Variants in COL25A1 observed in about 807,000 individuals in gnomAD.
COL25A1 encodes the protein collagen type XXV alpha 1 chain, also known as collagen alpha-1(XXV) chain.
In COL25A1, 103 loss-of-function variants were observed where a neutral mutation model predicts 128.4. The ratio of observed to expected loss-of-function variants is 0.80; its 90% CI spans 0.68 to 0.94. The LOEUF is 0.94. Ranked by LOEUF, COL25A1 falls within the 40% of genes least tolerant of loss-of-function variation. The pLI is 0.00. For synonymous variants in COL25A1, 279 were observed against 277.2 expected (o/e 1.01, Z -0.06); for missense variants, 745 against 840.0 (o/e 0.89, Z 1.40).
At chr4:109,287,280 A>G (rs1723980489) in intron 3 of COL25A1, among the ~76,000 whole-genome samples, 1 of 152,152 alleles carries the variant, frequency 6.6e-6, no homozygotes, top group African/African-American at 2.4e-5. Flanking sequence ...TGTTTAGGTG[A>G]AGAAATAAGT....
chr4:109,065,658 G>A (rs1762389041), intron 3 of COL25A1, among the ~76,000 whole-genome samples: 1 of 151,602 alleles, frequency 6.6e-6, no homozygotes. Context: ...TCCATTGGAT[G>A]AAACAACCAA....
rs764513809 is a variant in COL25A1 at position 108,860,925 on chromosome 4, A to G, written c.1242+2T>C. The G allele has an allele frequency of 6.2e-7, 1 of 1,613,568 alleles. No homozygotes were observed. Among genetic ancestry groups the G allele is most frequent in the Non-Finnish European group, 8.5e-7 (1 of 1,179,580 alleles). ...GTTTAGATGGATGAGAGGAACACTC[A>G]CCCTTGGTCCCTGAGCTCCAGAGTC... is the stretch of plus-strand genomic sequence containing the variant. On this transcript the variant is annotated splice_donor_variant, in intron 23 of 37. Transcript: ENST00000399132. LOFTEE classifies it high-confidence loss of function.
At chr4:109,035,654 A>G (rs1759268837) in intron 5 of COL25A1, among the ~76,000 whole-genome samples, 1 of 152,108 alleles carries the variant, frequency 6.6e-6, no homozygotes. Flanking sequence ...GATGAATAGG[A>G]AGAGGTTTCC....
intron 32 of COL25A1, among the ~76,000 whole-genome samples, chr4:108,828,410 C>CA (rs1450738565): frequency 6.6e-6 from 1 of 152,146 alleles, no homozygotes. Flanking sequence ...GCTGGGATTA[C>CA]AGGCGTGAGC....
chr4:109,246,059 CAA>C (rs10608481), intron 3 of COL25A1, among the ~76,000 whole-genome samples: 8,572 of 134,804 alleles, frequency 0.064, 416 homozygotes, highest in East Asian at 0.25. Flanking sequence ...AAACAATACA[CAA>C]AATGAAAACA....
chr4:108,832,519 TG>T lies in COL25A1; in HGVS notation c.1657-87del, dbSNP rs1283829066. 7.4e-6 allele frequency: 6 copies of T among 816,012 alleles called. No homozygotes were observed. The East Asian group carries it at 1.6e-4, about 21-fold the overall frequency. The allele number at this position is 816,012 out of a possible 1,614,324, so 50.5% of individuals were successfully genotyped here. On this transcript the variant is annotated intron_variant, in intron 31 of 37. Transcript: ENST00000399132. Reference sequence around the variant, plus strand: ...TCCTGGATTTTTCCTAGGTGAATGGTGCCTAAGAATATCAGTAAGACAACTC... The same window carrying T: ...TCCTGGATTTTTCCTAGGTGAATGGTCCTAAGAATATCAGTAAGACAACTC...
intron 28 of COL25A1, 100 bp downstream of exon 28, chr4:108,846,039 T>G: frequency 3.6e-4 from 272 of 747,576 alleles, no homozygotes; most frequent in Non-Finnish European, 5.1e-4. Context: ...AACCACTAGA[T>G]GAGATTGCAG....
chr4:109,123,794 C>T (rs759434902), intron 3 of COL25A1, among the ~76,000 whole-genome samples: 6 of 152,004 alleles, frequency 3.9e-5, no homozygotes, highest in African/African-American at 1.2e-4. Context: ...ACATAGGCCT[C>T]GGTTCTACAG....
intron 3 of COL25A1, among the ~76,000 whole-genome samples, chr4:109,054,384 T>C (rs182134473): frequency 6.6e-6 from 1 of 152,334 alleles, no homozygotes; most frequent in East Asian, 1.9e-4. Context: ...GCCCCATTTG[T>C]ATGATTATTG....
chr4:109,168,624 T>G (rs945541843), intron 3 of COL25A1, among the ~76,000 whole-genome samples: 2 of 152,138 alleles, frequency 1.3e-5, no homozygotes, highest in African/African-American at 2.4e-5. Flanking sequence ...CCCATTGACA[T>G]ATATGACTCT....
At chr4:109,259,160 G>A (rs984404002) in intron 3 of COL25A1, among the ~76,000 whole-genome samples, 3 of 151,966 alleles carry the variant, frequency 2.0e-5, no homozygotes, top group Non-Finnish European at 4.4e-5. Flanking sequence ...TTACATAAAG[G>A]AGGCCTATAA....
intron 3 of COL25A1, among the ~76,000 whole-genome samples, chr4:109,191,047 T>C (rs1189940990): frequency 1.3e-5 from 2 of 152,206 alleles, no homozygotes; most frequent in African/African-American, 4.8e-5. Flanking sequence ...GATGGCAAAT[T>C]GCTTCAGCAT....
chr4:109,085,756 G>A (rs115413789), intron 3 of COL25A1, among the ~76,000 whole-genome samples: 3,594 of 152,116 alleles, frequency 0.024, 65 homozygotes, highest in Non-Finnish European at 0.029. Flanking sequence ...CTAAATCTTT[G>A]TGCATACTCC....
intron 20 of COL25A1, among the ~76,000 whole-genome samples, chr4:108,867,555 C>T (rs1738085963): frequency 6.6e-6 from 1 of 152,076 alleles, no homozygotes; most frequent in Admixed American, 6.6e-5. Context: ...TTTCAGTCCC[C>T]CCTAGGACAC....
chr4:109,135,024 CAAAAA>C (rs574984369), intron 3 of COL25A1, among the ~76,000 whole-genome samples: 193 of 100,704 alleles, frequency 1.9e-3, no homozygotes, highest in African/African-American at 5.6e-3. Context: ...ACTTTTCTGT[CAAAAA>C]AAAAAAAAAA....
chr4:108,976,679 C>T (rs558883878), intron 6 of COL25A1, among the ~76,000 whole-genome samples: 32 of 152,320 alleles, frequency 2.1e-4, no homozygotes, highest in African/African-American at 7.5e-4. Flanking sequence ...ATCCTAGGGG[C>T]CAGTGGAGGC....
intron 3 of COL25A1, among the ~76,000 whole-genome samples, chr4:109,252,115 G>A (rs1780690968): frequency 6.6e-6 from 1 of 152,262 alleles, no homozygotes; most frequent in Non-Finnish European, 1.5e-5. Flanking sequence ...CATTCTATAA[G>A]TCCATGGATG....
At chr4:108,954,659 T>G (rs891140140) in intron 8 of COL25A1, among the ~76,000 whole-genome samples, 8 of 151,852 alleles carry the variant, frequency 5.3e-5, no homozygotes. Context: ...ATGTACTTAA[T>G]ATTCCATTTA....
At chr4:109,266,156 T>G (rs1781779660) in intron 3 of COL25A1, among the ~76,000 whole-genome samples, 1 of 152,210 alleles carries the variant, frequency 6.6e-6, no homozygotes, top group Non-Finnish European at 1.5e-5. Flanking sequence ...TTTTTTAACT[T>G]CTTTAGGGCT....
Sources: allele counts gnomAD v4.1 joint callset (sites outside exome capture counted in the v4.1 genomes callset), GRCh38; gene constraint gnomAD v4.1.1; transcripts MANE v1.5; gene names NCBI Gene and HGNC (gene_info 2026-07-23, HGNC 2026-07-21).